PCDHGB5: variants seen among roughly 807,000 people sequenced by gnomAD.
PCDHGB5 encodes the protein protocadherin gamma-B5.
In PCDHGB5, 48 loss-of-function variants were observed where a neutral mutation model predicts 62.9. The ratio of observed to expected loss-of-function variants is 0.76; its 90% CI spans 0.61 to 0.97. PCDHGB5 has a LOEUF of 0.97. Among genes scored for constraint, PCDHGB5 ranks in the 50% least tolerant of loss-of-function variants. PCDHGB5 has a pLI of 0.00. For missense variants in PCDHGB5, 1,118 were observed against 1,198.6 expected, an observed-to-expected ratio of 0.93 and a Z score of 0.99; for synonymous variants, 474 against 511.2, an observed-to-expected ratio of 0.93 and a Z score of 0.98.
At chr5:141,510,785 C>G (rs951225541) in intron 3 of PCDHGB5, among the ~76,000 whole-genome samples, 162 bp from the exon 4 acceptor site, 1 of 152,150 alleles carries the variant, frequency 6.6e-6, no homozygotes, top group Non-Finnish European at 1.5e-5. Flanking sequence ...ACCCTCAACT[C>G]TTGTGAAGAG....
At chr5:141,414,132 T>A in intron 1 of PCDHGB5, 1 of 1,594,828 alleles carries the variant, frequency 6.3e-7, no homozygotes, top group South Asian at 1.1e-5. Flanking sequence ...CCGGTTTCTA[T>A]GAAATAGAAA....
chr5:141,422,795 A>G lies in PCDHGB5; in HGVS notation c.2397+22271A>G, dbSNP rs543001807. ...CTCTATGCCCTACAATCCTTCGACTATGAGCAGTTTCGAGACTTAGAACTG... is the reference window on the plus strand; with the variant it reads ...CTCTATGCCCTACAATCCTTCGACTGTGAGCAGTTTCGAGACTTAGAACTG... On this transcript the variant is annotated intron_variant, in intron 1 of 3. Transcript: ENST00000617380. 14 of 1,614,198 alleles carry G rather than the reference A, an allele frequency of 8.7e-6. No homozygotes were observed. In the East Asian group the frequency reaches 1.8e-4, roughly 21 times the overall value.
chr5:141,449,562 C>T (rs1374591292), intron 1 of PCDHGB5, among the ~76,000 whole-genome samples: 1 of 143,862 alleles, frequency 7.0e-6, no homozygotes, highest in East Asian at 2.0e-4. Context: ...GCACTCCAGC[C>T]TGGGCGACAG....
rs754836894 is a variant in PCDHGB5, at chr5:141,432,969, C to A, written c.2397+32445C>A. 6.2e-7 allele frequency: 1 copy of A among 1,614,148 alleles called. No individual in the cohort carries two copies. Among genetic ancestry groups the A allele is most frequent in the East Asian group, 2.2e-5 (1 of 44,852 alleles). ...GGAGGCGGCTTGACAGGAGCGCCGG[C>A]GTCGCACTTTGTGGGCGTGGACGGG... is the stretch of plus-strand genomic sequence containing the variant. On this transcript the variant is annotated intron_variant, in intron 1 of 3. Coordinates refer to ENST00000617380, the MANE Select transcript of PCDHGB5 (RefSeq NM_018925.3). This position sits in a 1 kb window ranked among gnomAD's most constrained non-coding sequence, Gnocchi z 6.0.
rs13178808 is a variant in PCDHGB5 at position 141,491,920 on chromosome 5, G to A, written c.2398-2887G>A. 1.2e-4 allele frequency: 164 copies of A among 1,356,270 alleles called. No individual in the cohort carries two copies. Among genetic ancestry groups the A allele is most frequent in the Non-Finnish European group, 1.5e-4 (155 of 1,015,194 alleles). The allele number at this position is 1,356,270 out of a possible 1,614,324, so 84.0% of individuals were successfully genotyped here. On this transcript the variant is annotated intron_variant, in intron 1 of 3. Transcript: ENST00000617380. This position sits in a 1 kb window ranked among gnomAD's most constrained non-coding sequence, Gnocchi z 6.9. ...ACCGGGGGTGGTGGCGACTGTGGGC[G>A]AGGGGAGGTGGGACCGACCCCCACC...
chr5:141,467,063 T>C (rs1405374001), intron 1 of PCDHGB5, among the ~76,000 whole-genome samples: 2 of 151,716 alleles, frequency 1.3e-5, no homozygotes, highest in African/African-American at 2.4e-5. Flanking sequence ...TTCTTTTTTT[T>C]TTTTTTTTAG....
At chr5:141,500,045 T>C (rs2099796072) in intron 2 of PCDHGB5, among the ~76,000 whole-genome samples, 1 of 152,062 alleles carries the variant, frequency 6.6e-6, no homozygotes, top group South Asian at 2.1e-4. Flanking sequence ...CTTAAGTATC[T>C]TAATGCTCTT....
Position 141,485,856 on chromosome 5 carries a change from T to C in PCDHGB5, c.2398-8951T>C. ...CCGCCGAGATCTGGCACCGCAGAGC[T>C]CCGGGTATCCGTGCTGGACGTAAAC... is the stretch of plus-strand genomic sequence containing the variant. On this transcript the variant is annotated intron_variant, in intron 1 of 3. Coordinates refer to ENST00000617380, the MANE Select transcript of PCDHGB5 (RefSeq NM_018925.3). The surrounding 1 kb of genome is among the most constrained non-coding windows in gnomAD (Gnocchi z 5.7). 1 of 1,614,108 alleles carries C rather than the reference T, an allele frequency of 6.2e-7. No individual in the cohort carries two copies. The highest frequency in any genetic ancestry group is 8.5e-7 in the Non-Finnish European group (1 of 1,180,014).
intron 1 of PCDHGB5, chr5:141,404,976 T>G (rs373850794): frequency 4.3e-6 from 7 of 1,614,002 alleles, no homozygotes; most frequent in Non-Finnish European, 5.9e-6. Context: ...CTGGCTGACC[T>G]GGGCAGTCTT....
At chr5:141,410,683 A>G (rs775289402) in intron 1 of PCDHGB5, 2 of 1,528,162 alleles carry the variant, frequency 1.3e-6, no homozygotes. Flanking sequence ...TATTTTAGGC[A>G]TACTACTTTA....
chr5:141,460,097 G>A (rs2098982102), intron 1 of PCDHGB5, among the ~76,000 whole-genome samples: 2 of 151,812 alleles, frequency 1.3e-5, no homozygotes, highest in African/African-American at 2.4e-5. Context: ...AATTATACAT[G>A]TAATTATATA....
At chr5:141,505,106 G>A (rs934779049) in intron 2 of PCDHGB5, among the ~76,000 whole-genome samples, 1 of 152,188 alleles carries the variant, frequency 6.6e-6, no homozygotes, top group Non-Finnish European at 1.5e-5. Context: ...ATGTTGCAAT[G>A]AGCCAAGATC....
intron 1 of PCDHGB5, among the ~76,000 whole-genome samples, chr5:141,430,247 G>T (rs1003479541): frequency 9.7e-6 from 1 of 102,928 alleles, no homozygotes; most frequent in Non-Finnish European, 1.8e-5. Flanking sequence ...AACTCCTAGG[G>T]AGACATCTCC....
chr5:141,481,871 G>T (rs372191396), intron 1 of PCDHGB5, among the ~76,000 whole-genome samples: 1 of 144,788 alleles, frequency 6.9e-6, no homozygotes, highest in Non-Finnish European at 1.5e-5. Context: ...CCGAGATCGC[G>T]CCACTGCACT....
rs759346998 is a variant in PCDHGB5 at position 141,410,849 on chromosome 5, CTTTTT to C, written c.2397+10343_2397+10347del. On this transcript the variant is annotated intron_variant, in intron 1 of 3. Transcript: ENST00000617380. ...CAGACTGAAGATATTTTGTCTTTGT[CTTTTT>C]TTTTTTTTTTTTTTTTTGAGATGGA... 1.3e-3 allele frequency: 178 copies of C among 137,948 alleles called. 1 individual carries two copies. Among genetic ancestry groups the C allele is most frequent in the East Asian group, 2.3e-3 (10 of 4,422 alleles). 8.5% of individuals were successfully genotyped at this position (137,948 alleles called of 1,614,324 possible). A position where few individuals can be genotyped will look rare whatever the true frequency, so the allele number is the denominator to read the frequency against.
At position 141,491,794 on chromosome 5, in the gene PCDHGB5, TC is replaced by T; in HGVS notation, c.2398-3011del. On this transcript the variant is annotated intron_variant, in intron 1 of 3. Transcript: ENST00000617380. This position sits in a 1 kb window ranked among gnomAD's most constrained non-coding sequence, Gnocchi z 6.9. ...GGGATTGAACTTGCATCCACTCCTC[TC>T]CGGCCGGCTTGGTCGCTGGCTGCGC... is the stretch of plus-strand genomic sequence containing the variant. The T allele has an allele frequency of 6.6e-7, 1 of 1,511,056 alleles. No individual in the cohort carries two copies. The highest frequency in any genetic ancestry group is 8.8e-7 in the Non-Finnish European group (1 of 1,130,146). The allele number at this position is 1,511,056 out of a possible 1,614,324, so 93.6% of individuals were successfully genotyped here.
Position 141,431,721 on chromosome 5 carries a change from C to T in PCDHGB5, c.2397+31197C>T. The T allele has an allele frequency of 1.2e-6, 2 of 1,614,246 alleles. No homozygotes were observed. Among genetic ancestry groups the T allele is most frequent in the Non-Finnish European group, 1.7e-6 (2 of 1,180,044 alleles). On this transcript the variant is annotated intron_variant, in intron 1 of 3. Transcript: ENST00000617380. The surrounding 1 kb of genome is among the most constrained non-coding windows in gnomAD (Gnocchi z 4.8). ...GGATTCTACCAGATGGAAGTGCAAGCAATGGATAATGCAGGATATTCTGCG... is the reference window on the plus strand; with the variant it reads ...GGATTCTACCAGATGGAAGTGCAAGTAATGGATAATGCAGGATATTCTGCG...
chr5:141,421,749 C>T, intron 1 of PCDHGB5: 1 of 1,613,918 alleles, frequency 6.2e-7, no homozygotes, highest in Non-Finnish European at 8.5e-7. Flanking sequence ...ACCAGCTCAG[C>T]CCTAATAATT....
At chr5:141,404,328 T>G (rs1300173055) in intron 1 of PCDHGB5, 3 of 1,613,902 alleles carry the variant, frequency 1.9e-6, no homozygotes, top group Non-Finnish European at 2.5e-6. Flanking sequence ...TCCTACTCAG[T>G]CTACCTCCCG....
Sources: gnomAD v4.1 joint callset for allele counts (sites outside exome capture counted in the v4.1 genomes callset) on GRCh38, gnomAD v4.1.1 for gene constraint, Gnocchi (gnomAD v3.1) non-coding constraint, MANE v1.5 for transcripts, NCBI Gene and HGNC (gene_info 2026-07-23, HGNC 2026-07-21) for gene names.